The following ZC3H6 variants were observed in gnomAD, a reference collection of about 807,000 sequenced individuals.
ZC3H6 encodes zinc finger CCCH-type containing 6.
In ZC3H6, 40 loss-of-function variants were observed where a neutral mutation model predicts 107.7. That is an observed-to-expected ratio of 0.37 (90% CI 0.29 to 0.48). The LOEUF (loss-of-function observed/expected upper bound fraction) is 0.48. Among genes scored for constraint, ZC3H6 ranks in the 20% least tolerant of loss-of-function variants. ZC3H6 has a pLI of 0.98. For synonymous variants in ZC3H6, 493 were observed against 487.9 expected (o/e 1.01, Z -0.14); for missense variants, 1,267 against 1,410.4 (o/e 0.90, Z 1.63).
rs772017252 is a variant in ZC3H6 at position 112,324,288 on chromosome 2, G to A, written c.1477G>A (p.Val493Met). The change falls in exon 10 of 12, where the codon GTG (valine) becomes ATG (methionine). Residue 493 changes from valine (V) to methionine (M), a missense_variant. Coordinates refer to ENST00000409871, the MANE Select transcript of ZC3H6 (RefSeq NM_198581.3). ...PNMSQGHSSP[V>M]MHPGSPGHHP... Reference sequence around the variant, plus strand: ...CATGTCTCAGGGACACAGTAGTCCTGTGATGCACCCAGGCTCCCCTGGACA... The same window carrying A: ...CATGTCTCAGGGACACAGTAGTCCTATGATGCACCCAGGCTCCCCTGGACA... The A allele has an allele frequency of 1.9e-6, 3 of 1,613,874 alleles. No homozygotes were observed. Among genetic ancestry groups the A allele is most frequent in the Non-Finnish European group, 2.5e-6 (3 of 1,179,876 alleles).
intron 1 of ZC3H6, among the ~76,000 whole-genome samples, chr2:112,281,604 C>A (rs1007909493): frequency 2.6e-5 from 4 of 152,090 alleles, no homozygotes; most frequent in African/African-American, 9.7e-5. Context: ...TAGAATGAAC[C>A]AAAGCTATTG....
At position 112,325,070 on chromosome 2, in the gene ZC3H6, C is replaced by T; in HGVS notation, c.1959C>T (p.Gly653=). Reference sequence around the variant, plus strand: ...GCAGCAGCACTAGGACAGGCCATGGCCCTCTGCCTGTACCAGGCCTCCTCC... The same window carrying T: ...GCAGCAGCACTAGGACAGGCCATGGTCCTCTGCCTGTACCAGGCCTCCTCC... ...SDGSSTRTGH[G]PLPVPGLLPA... The change falls in exon 11 of 12, where the codon GGC becomes GGT. Residue 653 remains glycine (G), a synonymous_variant. Coordinates refer to ENST00000409871, the MANE Select transcript of ZC3H6 (RefSeq NM_198581.3). The T allele has an allele frequency of 6.2e-7, 1 of 1,613,940 alleles. No individual in the cohort carries two copies. The highest frequency in any genetic ancestry group is 8.5e-7 in the Non-Finnish European group (1 of 1,179,846).
At position 112,322,691 on chromosome 2, in the gene ZC3H6, G is replaced by A; in HGVS notation, c.1129G>A (p.Glu377Lys). The change falls in exon 9 of 12, where the codon GAA (glutamate) becomes AAA (lysine). Residue 377 changes from glutamate (E) to lysine (K), a missense_variant. By Grantham distance (56) the Glu-to-Lys change is moderately conservative. This residue lies in a region of ZC3H6 where 925 missense variants were observed against 1,025.7 expected (regional missense o/e 0.90). Transcript: ENST00000409871. Reference protein sequence around the residue: ...DEELINEDERELEELRKRGIT... With the variant: ...DEELINEDERKLEELRKRGIT... The stretch of plus-strand genomic sequence containing the variant: ...AGAACTCATAAATGAAGATGAAAGA[G>A]AATTAGAGGAACTTAGAAAGCGTGG... 1.2e-6 allele frequency: 2 copies of A among 1,612,098 alleles called. No individual in the cohort carries two copies. The highest frequency in any genetic ancestry group is 1.7e-6 in the Non-Finnish European group (2 of 1,179,436).
chr2:112,288,986 CT>C (rs1676020794), intron 1 of ZC3H6, among the ~76,000 whole-genome samples: 5 of 141,826 alleles, frequency 3.5e-5, no homozygotes, highest in Admixed American at 1.4e-4. Flanking sequence ...CCTCTTCTCA[CT>C]GCCCACCCCC....
At position 112,331,264 on chromosome 2, in the gene ZC3H6, G is replaced by T. The variant is rs768446069; in HGVS notation, c.2346G>T (p.Ala782=). The T allele has an allele frequency of 3.1e-6, 5 of 1,613,746 alleles. No individual in the cohort carries two copies. Among genetic ancestry groups the T allele is most frequent in the Non-Finnish European group, 4.2e-6 (5 of 1,179,874 alleles). ...SESAPLDLRL[A]WDPRKLRGNG... ...CTGCCCCACTGGATCTTAGACTTGC[G>T]TGGGATCCCAGGAAATTGAGAGGGA... Residue 782 remains alanine, a synonymous_variant, in exon 12 of 12, where the codon GCG becomes GCT. Transcript: ENST00000409871.
rs1193862916 is a variant in ZC3H6, at chr2:112,338,517, A to G, written c.*6029A>G. The G allele has an allele frequency of 1.3e-5, 2 of 152,158 alleles. No homozygotes were observed. The highest frequency in any genetic ancestry group is 2.9e-5 in the Non-Finnish European group (2 of 68,020). 9.4% of individuals were successfully genotyped at this position (152,158 alleles called of 1,614,324 possible). On this transcript the variant is annotated 3_prime_UTR_variant, in exon 12 of 12. Coordinates refer to ENST00000409871, the MANE Select transcript of ZC3H6 (RefSeq NM_198581.3). ...GTGAGTTCTTGGAATAGTATTTTAC[A>G]GCGTTGTTTATTCTTGACCTTCTTG...
chr2:112,308,692 A>T (rs1676537422), intron 3 of ZC3H6, among the ~76,000 whole-genome samples: 1 of 148,162 alleles, frequency 6.7e-6, no homozygotes, highest in Non-Finnish European at 1.5e-5. Context: ...TCAGCCTCCC[A>T]AAGTGCTGGG....
intron 3 of ZC3H6, among the ~76,000 whole-genome samples, chr2:112,309,345 A>G (rs1023318545): frequency 2.0e-4 from 31 of 152,298 alleles, no homozygotes; most frequent in African/African-American, 7.2e-4. Flanking sequence ...CTAATAAGCA[A>G]CTTATTCACT....
At chr2:112,316,270 G>GT (rs1459172687) in intron 5 of ZC3H6, among the ~76,000 whole-genome samples, 200 bp from the exon 6 acceptor site, 1 of 105,904 alleles carries the variant, frequency 9.4e-6, no homozygotes, top group African/African-American at 5.8e-5. Context: ...AAAGAAATAG[G>GT]CTTTTTTTTG....
At position 112,331,744 on chromosome 2, in the gene ZC3H6, C is replaced by T; in HGVS notation, c.2826C>T (p.Asn942=). The T allele has an allele frequency of 1.2e-6, 2 of 1,613,766 alleles. No individual in the cohort carries two copies. Among genetic ancestry groups the T allele is most frequent in the African/African-American group, 1.3e-5 (1 of 75,008 alleles). Residue 942 remains asparagine, a synonymous_variant, in exon 12 of 12, where the codon AAC becomes AAT. Coordinates refer to ENST00000409871, the MANE Select transcript of ZC3H6 (RefSeq NM_198581.3). ...CCAAAGCCAAAATTAACACAACAAACAGAGAAGGCTACCTAGAACAATTTG... is the reference window on the plus strand; with the variant it reads ...CCAAAGCCAAAATTAACACAACAAATAGAGAAGGCTACCTAGAACAATTTG... ...LAAKAKINTT[N]REGYLEQFGD...
At chr2:112,330,422 T>A (rs1052520597) in intron 11 of ZC3H6, among the ~76,000 whole-genome samples, 1 of 152,194 alleles carries the variant, frequency 6.6e-6, no homozygotes, top group Non-Finnish European at 1.5e-5. Flanking sequence ...TCTAAACATA[T>A]AATAAAGAGT....
intron 3 of ZC3H6, among the ~76,000 whole-genome samples, chr2:112,304,586 TG>T (rs910701151): frequency 2.0e-5 from 3 of 152,220 alleles, no homozygotes; most frequent in African/African-American, 7.2e-5. Flanking sequence ...TCAGTCAAAC[TG>T]GATTAGAGCC....
rs1033956746 is a variant in ZC3H6 at position 112,324,606 on chromosome 2, G to A, written c.1795G>A (p.Asp599Asn). ...ESLQNPAEFYDNYYAQHSIHN... is the reference protein window; with the variant it reads ...ESLQNPAEFYNNYYAQHSIHN... ...CCTGCAAAACCCAGCTGAGTTTTAC[G>A]ATAATTACTATGCACAGCATTCTAT... The change falls in exon 10 of 12, where the codon GAT becomes AAT. Residue 599 changes from aspartate to asparagine, a missense_variant. Coordinates refer to ENST00000409871, the MANE Select transcript of ZC3H6 (RefSeq NM_198581.3). 5 of 1,611,286 alleles carry A rather than the reference G, an allele frequency of 3.1e-6. No individual in the cohort carries two copies. The highest frequency in any genetic ancestry group is 1.3e-5 in the African/African-American group (1 of 75,006).
In ZC3H6 at chr2:112,332,392, C is replaced by T; in HGVS notation, c.3474C>T (p.Ser1158=). The T allele has an allele frequency of 6.2e-7, 1 of 1,613,666 alleles. No homozygotes were observed. The highest frequency in any genetic ancestry group is 1.1e-5 in the South Asian group (1 of 91,074). ...PRQARQPGQG[S]PTPDNDPGRE... ...AGGCAAGGCAGCCAGGACAGGGGAG[C>T]CCGACCCCAGATAATGATCCCGGTA... The change falls in exon 12 of 12, where the codon AGC becomes AGT. Residue 1158 remains serine, a synonymous_variant. Coordinates refer to ENST00000409871, the MANE Select transcript of ZC3H6 (RefSeq NM_198581.3).
intron 7 of ZC3H6, 56 bp from the exon 8 acceptor site, chr2:112,321,700 T>A: frequency 1.9e-6 from 2 of 1,044,906 alleles, no homozygotes; most frequent in South Asian, 1.8e-5. Flanking sequence ...GGTTTTGGTT[T>A]AAAAAAAAAT....
In ZC3H6 at chr2:112,332,495, T is replaced by C. The variant is rs372251450; in HGVS notation, c.*7T>C. On this transcript the variant is annotated 3_prime_UTR_variant, in exon 12 of 12. Coordinates refer to ENST00000409871, the MANE Select transcript of ZC3H6 (RefSeq NM_198581.3). Reference sequence around the variant, plus strand: ...TGCTTCACCATTTTGTTAGCTATTGTGTAACTGAGCAATTCTTTTCACTCT... The same window carrying C: ...TGCTTCACCATTTTGTTAGCTATTGCGTAACTGAGCAATTCTTTTCACTCT... 6.3e-7 allele frequency: 1 copy of C among 1,594,184 alleles called. No individual in the cohort carries two copies. The highest frequency in any genetic ancestry group is 1.1e-5 in the South Asian group (1 of 87,018).
In ZC3H6 at chr2:112,311,910, G is replaced by A; in HGVS notation, c.720G>A (p.Val240=). The change falls in exon 5 of 12, where the codon GTG becomes GTA. Residue 240 remains valine, a synonymous_variant. Coordinates refer to ENST00000409871, the MANE Select transcript of ZC3H6 (RefSeq NM_198581.3). ...RGGRTNKGPN[V]FSVSDDFQEY... ...GAAGAACCAATAAAGGGCCTAATGT[G>A]TTTTCAGTATCGGATGACTTTCAAG... 1 of 1,612,360 alleles carries A rather than the reference G, an allele frequency of 6.2e-7. No individual in the cohort carries two copies. Among genetic ancestry groups the A allele is most frequent in the Non-Finnish European group, 8.5e-7 (1 of 1,178,950 alleles).
intron 1 of ZC3H6, among the ~76,000 whole-genome samples, chr2:112,289,546 C>T (rs111246413): frequency 6.4e-3 from 958 of 150,586 alleles, no homozygotes; most frequent in African/African-American, 0.023. Flanking sequence ...AGGCTGGTCT[C>T]GATCTCCTGA....
At position 112,338,855 on chromosome 2, in the gene ZC3H6, G is replaced by GTGTA. The variant is rs1558961152; in HGVS notation, c.*6368_*6369insGTAT. 1.6e-4 allele frequency: 6 copies of GTGTA among 38,472 alleles called. No individual in the cohort carries two copies. Among genetic ancestry groups the GTGTA allele is most frequent in the Non-Finnish European group, 2.6e-4 (6 of 22,858 alleles). The allele number at this position is 38,472 out of a possible 1,614,324, so 2.4% of individuals were successfully genotyped here. Reference sequence around the variant, plus strand: ...TATATATATATGTATGTATATGTGTGTATATATATATATATATATATATAT... The same window carrying GTGTA: ...TATATATATATGTATGTATATGTGTGTGTATATATATATATATATATATATATAT... On this transcript the variant is annotated 3_prime_UTR_variant, in exon 12 of 12. Coordinates refer to ENST00000409871, the MANE Select transcript of ZC3H6 (RefSeq NM_198581.3).
Sources: gnomAD v4.1 joint callset for allele counts (sites outside exome capture counted in the v4.1 genomes callset) on GRCh38, gnomAD v4.1.1 for gene constraint, gnomAD v4.1.1 regional missense constraint, MANE v1.5 for transcripts, NCBI Gene and HGNC (gene_info 2026-07-23, HGNC 2026-07-21) for gene names.